The following AKT2 variants were observed in gnomAD, a reference collection of about 807,000 sequenced individuals.
The protein encoded by AKT2 is AKT serine/threonine kinase 2.
Under a neutral mutation model 58.6 loss-of-function variants are expected in AKT2, and 16 were observed. The observed-to-expected ratio is 0.27, with a 90% confidence interval of 0.18 to 0.41. The LOEUF is 0.41. Among genes scored for constraint, AKT2 ranks in the 10% least tolerant of loss-of-function variants. The pLI, the probability that AKT2 is intolerant of heterozygous loss-of-function variation, is 1.00. For synonymous variants in AKT2, 253 were observed against 254.0 expected, an observed-to-expected ratio of 1.00 and a Z score of 0.04; for missense variants, 438 against 661.0, an observed-to-expected ratio of 0.66 and a Z score of 3.70.
chr19:40,271,486 G>T (rs1277664038), intron 1 of AKT2, among the ~76,000 whole-genome samples: 1 of 151,196 alleles, frequency 6.6e-6, no homozygotes, highest in African/African-American at 2.4e-5. Flanking sequence ...GGTGTAACAG[G>T]CAGCATCTGC....
Position 40,240,793 on chromosome 19 carries a change from C to CT in AKT2, c.574-684dup, listed in dbSNP as rs1009869075. On this transcript the variant is annotated intron_variant, in intron 6 of 13. Transcript: ENST00000392038. ...TCTGAAGTCTTTTTTTTTTTTTTCCCTTTTTTTTTTTAGCTGGGGGTCTGG... is the reference window on the plus strand; with the variant it reads ...TCTGAAGTCTTTTTTTTTTTTTTCCCTTTTTTTTTTTTAGCTGGGGGTCTGG... 2.6e-3 allele frequency: 405 copies of CT among 155,266 alleles called. 1 individual carries two copies. The highest frequency in any genetic ancestry group is 9.3e-3 in the South Asian group (55 of 5,902). The allele number at this position is 155,266 out of a possible 1,614,324, so 9.6% of individuals were successfully genotyped here. A position where few individuals can be genotyped will look rare whatever the true frequency, so the allele number is the denominator to read the frequency against.
intron 4 of AKT2, among the ~76,000 whole-genome samples, chr19:40,249,453 C>T (rs1974986405): frequency 6.6e-6 from 1 of 152,176 alleles, no homozygotes; most frequent in Non-Finnish European, 1.5e-5. Flanking sequence ...CGGCAGCTGG[C>T]CTGAATCCAG....
chr19:40,235,795 C>T lies in AKT2; in HGVS notation c.1175+95G>A. On this transcript the variant is annotated intron_variant, in intron 11 of 13. Coordinates refer to ENST00000392038, the MANE Select transcript of AKT2 (RefSeq NM_001626.6). This position sits in a 1 kb window ranked among gnomAD's most constrained non-coding sequence, Gnocchi z 6.3. Reference sequence around the variant, plus strand: ...GTGGGGACGACACACTGCGACCCTACAAGCGAGCACCCTTGTGGACGCTGC... The same window carrying T: ...GTGGGGACGACACACTGCGACCCTATAAGCGAGCACCCTTGTGGACGCTGC... 3 of 1,315,778 alleles carry T rather than the reference C, an allele frequency of 2.3e-6. No homozygotes were observed. In the South Asian group the frequency reaches 4.2e-5, roughly 18 times the overall value. 81.5% of individuals were successfully genotyped at this position (1,315,778 alleles called of 1,614,324 possible). A position where few individuals can be genotyped will look rare whatever the true frequency, so the allele number is the denominator to read the frequency against.
rs754286414 is a variant in AKT2 at position 40,238,922 on chromosome 19, A to G, written c.691T>C (p.Tyr231His). 1 of 1,613,754 alleles carries G rather than the reference A, an allele frequency of 6.2e-7. No individual in the cohort carries two copies. Among genetic ancestry groups the G allele is most frequent in the South Asian group, 1.1e-5 (1 of 91,066 alleles). Residue 231 changes from tyrosine to histidine, a missense_variant, in exon 8 of 14, where the codon TAT (tyrosine) becomes CAT (histidine). Transcript: ENST00000392038. This position sits in a 1 kb window ranked among gnomAD's most constrained non-coding sequence, Gnocchi z 5.1. ...CGGCTCACCTCACCCCCGTTGGCAT[A>G]CTCCATCACAAAGCACAGGCGGTCG... ...THDRLCFVME[Y>H]ANGGELFFHL...
At position 40,238,905 on chromosome 19, in the gene AKT2, C is replaced by A; in HGVS notation, c.708G>T (p.Glu236Asp). The A allele has an allele frequency of 6.2e-7, 1 of 1,614,098 alleles. No homozygotes were observed. Among genetic ancestry groups the A allele is most frequent in the African/African-American group, 1.3e-5 (1 of 75,048 alleles). Residue 236 changes from glutamate (E) to aspartate (D), a missense_variant and splice_region_variant, in exon 8 of 14, where the codon GAG becomes GAT. Coordinates refer to ENST00000392038, the MANE Select transcript of AKT2 (RefSeq NM_001626.6). The surrounding 1 kb of genome is among the most constrained non-coding windows in gnomAD (Gnocchi z 5.1). ...CAAAGTCAAGGCAGCCGCGGCTCAC[C>A]TCACCCCCGTTGGCATACTCCATCA... ...CFVMEYANGGELFFHLSRERV... is the reference protein window; with the variant it reads ...CFVMEYANGGDLFFHLSRERV...
At chr19:40,276,725 AT>A (rs923297168) in intron 1 of AKT2, among the ~76,000 whole-genome samples, 50 of 151,512 alleles carry the variant, frequency 3.3e-4, no homozygotes, top group African/African-American at 1.2e-3. Flanking sequence ...TCAAAAGATA[AT>A]TTTTGCAGGC....
Position 40,234,878 on chromosome 19 carries a change from G to A in AKT2, c.1366+167C>T. 1 of 731,880 alleles carries A rather than the reference G, an allele frequency of 1.4e-6. No homozygotes were observed. Among genetic ancestry groups the A allele is most frequent in the Non-Finnish European group, 2.4e-6 (1 of 412,548 alleles). The allele number at this position is 731,880 out of a possible 1,614,324, so 45.3% of individuals were successfully genotyped here. A position where few individuals can be genotyped will look rare whatever the true frequency, so the allele number is the denominator to read the frequency against. On this transcript the variant is annotated intron_variant, in intron 13 of 13. Coordinates refer to ENST00000392038, the MANE Select transcript of AKT2 (RefSeq NM_001626.6). The surrounding 1 kb of genome is among the most constrained non-coding windows in gnomAD (Gnocchi z 4.7). ...TCAATGGCTCCTGGTGGCCTCACCA[G>A]GTCCAAAGAGGACCAACAGCAAAAG...
rs1207456543 is a variant in AKT2, at chr19:40,234,147, G to C, written c.1367-196C>G. On this transcript the variant is annotated intron_variant, in intron 13 of 13. Transcript: ENST00000392038. The surrounding 1 kb of genome is among the most constrained non-coding windows in gnomAD (Gnocchi z 4.7). ...CTGAGCCCCGGGCGGCCTCCTCTGGGAGTTTCCTGTGCCCTTGCCCATGCG... is the reference window on the plus strand; with the variant it reads ...CTGAGCCCCGGGCGGCCTCCTCTGGCAGTTTCCTGTGCCCTTGCCCATGCG... 6.6e-6 allele frequency among the ~76,000 whole-genome samples: 1 copy of C among 152,116 alleles called. No homozygotes were observed.
intron 2 of AKT2, among the ~76,000 whole-genome samples, chr19:40,264,246 C>T (rs982857913): frequency 6.6e-6 from 1 of 152,156 alleles, no homozygotes; most frequent in East Asian, 1.9e-4. Context: ...TGGCCTGGGA[C>T]AAAGCCATCT....
intron 4 of AKT2, among the ~76,000 whole-genome samples, chr19:40,246,936 GC>G (rs1453863654): frequency 1.3e-5 from 2 of 152,264 alleles, no homozygotes; most frequent in African/African-American, 4.8e-5. Flanking sequence ...CGCGCGCAGG[GC>G]GGGGTGGAAG....
intron 1 of AKT2, chr19:40,282,510 G>A (rs774125106): frequency 1.9e-6 from 1 of 528,398 alleles, no homozygotes; most frequent in South Asian, 1.4e-5. Flanking sequence ...TGGACTGGCT[G>A]TAGGCAGAGA....
Position 40,234,630 on chromosome 19 carries a change from T to C in AKT2, c.1366+415A>G, listed in dbSNP as rs1599947245. 1 of 528,066 alleles carries C rather than the reference T, an allele frequency of 1.9e-6. No homozygotes were observed. The highest frequency in any genetic ancestry group is 3.3e-6 in the Non-Finnish European group (1 of 300,152). 32.7% of individuals were successfully genotyped at this position (528,066 alleles called of 1,614,324 possible). A position where few individuals can be genotyped will look rare whatever the true frequency, so the allele number is the denominator to read the frequency against. On this transcript the variant is annotated intron_variant, in intron 13 of 13. Coordinates refer to ENST00000392038, the MANE Select transcript of AKT2 (RefSeq NM_001626.6). This position sits in a 1 kb window ranked among gnomAD's most constrained non-coding sequence, Gnocchi z 4.7. ...CCCCAGTCCCTGGCCTCCCACGCCC[T>C]AGCCCTGACCACTCCAGGCCGCCCA... is the stretch of plus-strand genomic sequence containing the variant.
At chr19:40,252,429 GA>G (rs1975224189) in intron 4 of AKT2, among the ~76,000 whole-genome samples, 1 of 152,184 alleles carries the variant, frequency 6.6e-6, no homozygotes, top group African/African-American at 2.4e-5. Flanking sequence ...TGTGAAAATG[GA>G]AACGAGACCA....
At position 40,236,626 on chromosome 19, in the gene AKT2, G is replaced by C. The variant is rs1328536986; in HGVS notation, c.832-241C>G. 13 of 573,566 alleles carry C rather than the reference G, an allele frequency of 2.3e-5. No homozygotes were observed. In the East Asian group the frequency reaches 4.0e-4, roughly 17 times the overall value. 35.5% of individuals were successfully genotyped at this position (573,566 alleles called of 1,614,324 possible). A position where few individuals can be genotyped will look rare whatever the true frequency, so the allele number is the denominator to read the frequency against. ...CTGGGCAGGGAGAGCCGAGAGCCAG[G>C]CCCTGTCCACCCACCGTCCCCATTG... On this transcript the variant is annotated intron_variant, in intron 9 of 13. Transcript: ENST00000392038.
Position 40,234,036 on chromosome 19 carries a change from G to T in AKT2, c.1367-85C>A, listed in dbSNP as rs113624553. 2.9e-6 allele frequency: 4 copies of T among 1,370,254 alleles called. No homozygotes were observed. In the Admixed American group the frequency reaches 5.8e-5, roughly 20 times the overall value. 84.9% of individuals were successfully genotyped at this position (1,370,254 alleles called of 1,614,324 possible). On this transcript the variant is annotated intron_variant, in intron 13 of 13. Coordinates refer to ENST00000392038, the MANE Select transcript of AKT2 (RefSeq NM_001626.6). This position sits in a 1 kb window ranked among gnomAD's most constrained non-coding sequence, Gnocchi z 4.7. Reference sequence around the variant, plus strand: ...CAGACTCCCTGGGGAAACGGCCCCAGCTGGCGGGGGCTGCCCACAGGACAG... The same window carrying T: ...CAGACTCCCTGGGGAAACGGCCCCATCTGGCGGGGGCTGCCCACAGGACAG...
rs1055161185 is a variant in AKT2 at position 40,231,847 on chromosome 19, C to T, written c.*2025G>A. 8 of 233,544 alleles carry T rather than the reference C, an allele frequency of 3.4e-5. No homozygotes were observed. The highest frequency in any genetic ancestry group is 6.8e-5 in the Non-Finnish European group (8 of 118,342). 14.5% of individuals were successfully genotyped at this position (233,544 alleles called of 1,614,324 possible). ...GACAGCAACCACGCCACCATGAACA[C>T]ACCACTGGGTCTGTACTGGAATTTG... On this transcript the variant is annotated 3_prime_UTR_variant, in exon 14 of 14. Transcript: ENST00000392038.
chr19:40,258,245 GA>G (rs56202522), intron 2 of AKT2, among the ~76,000 whole-genome samples: 358 of 41,072 alleles, frequency 8.7e-3, no homozygotes, highest in African/African-American at 0.02. Flanking sequence ...ACTCCGTCTC[GA>G]AAAAAAAAAA....
intron 7 of AKT2, chr19:40,239,403 G>A (rs973869489): frequency 1.1e-5 from 3 of 261,922 alleles, no homozygotes; most frequent in African/African-American, 2.2e-5. Flanking sequence ...CTGCACTAAG[G>A]AGATCTACAG....
chr19:40,245,564 T>A (rs1180529462), intron 4 of AKT2, among the ~76,000 whole-genome samples: 1 of 152,144 alleles, frequency 6.6e-6, no homozygotes, highest in East Asian at 1.9e-4. Flanking sequence ...GAACAGCCTC[T>A]AATAACAAAT....
Sources: gnomAD v4.1 joint callset for allele counts (sites outside exome capture counted in the v4.1 genomes callset) on GRCh38, gnomAD v4.1.1 for gene constraint, Gnocchi (gnomAD v3.1) non-coding constraint, MANE v1.5 for transcripts, NCBI Gene and HGNC (gene_info 2026-07-23, HGNC 2026-07-21) for gene names.